P2RY14: variants seen among roughly 807,000 people sequenced by gnomAD.
The protein encoded by P2RY14 is P2Y purinoceptor 14.
Under a neutral mutation model 0.9 loss-of-function variants are expected in P2RY14, and 2 were observed. That is an observed-to-expected ratio of 2.16 (90% CI 0.88 to 6.79). P2RY14 has a LOEUF of 6.79. P2RY14 is among the 30% of genes most tolerant of loss of function. The pLI is 0.05. For missense variants in P2RY14, 378 were observed against 400.1 expected, an observed-to-expected ratio of 0.94 and a Z score of 0.47; for synonymous variants, 158 against 147.2, an observed-to-expected ratio of 1.07 and a Z score of -0.53.
At position 151,265,508 on chromosome 3, in the gene P2RY14, C is replaced by A. The variant is rs145529543; in HGVS notation, c.-133+12779G>T. ...TCTTTATTCTCAACTGCCCACTTGCCGGTCACTGCCATCATCCTCCCTATC... is the reference window on the plus strand; with the variant it reads ...TCTTTATTCTCAACTGCCCACTTGCAGGTCACTGCCATCATCCTCCCTATC... On this transcript the variant is annotated intron_variant, in intron 1 of 2. Transcript: ENST00000309170. Among the ~76,000 whole-genome samples the A allele has an allele frequency of 7.1e-3, 1,076 of 152,222 alleles. 14 individuals are homozygous for A. Among genetic ancestry groups the A allele is most frequent in the African/African-American group, 0.024 (1,005 of 41,542 alleles).
intron 1 of P2RY14, among the ~76,000 whole-genome samples, chr3:151,239,392 A>G (rs1733613046): frequency 6.6e-6 from 1 of 152,194 alleles, no homozygotes; most frequent in African/African-American, 2.4e-5. Context: ...TCTGTATGGG[A>G]TTGGATTTTC....
At chr3:151,233,771 G>C (rs1039371141) in intron 1 of P2RY14, among the ~76,000 whole-genome samples, 1 of 152,172 alleles carries the variant, frequency 6.6e-6, no homozygotes, top group African/African-American at 2.4e-5. Context: ...CGACTTGAGA[G>C]CGAGAGTCCC....
chr3:151,254,737 C>T (rs1274443453), intron 1 of P2RY14, among the ~76,000 whole-genome samples: 2 of 152,160 alleles, frequency 1.3e-5, no homozygotes, highest in African/African-American at 4.8e-5. Flanking sequence ...AGAGGAGATT[C>T]GTGTTGACAA....
intron 1 of P2RY14, among the ~76,000 whole-genome samples, chr3:151,242,955 A>G (rs1231994970): frequency 1.3e-5 from 2 of 151,680 alleles, no homozygotes; most frequent in Non-Finnish European, 2.9e-5. Context: ...AGGCTCGAGA[A>G]CTACGTGAAG....
intron 2 of P2RY14, among the ~76,000 whole-genome samples, chr3:151,217,937 C>G (rs1485718924): frequency 1.3e-5 from 2 of 151,914 alleles, no homozygotes; most frequent in Non-Finnish European, 2.9e-5. Context: ...CAAGTAAGAC[C>G]AAATTATATA....
At chr3:151,270,471 G>C (rs1740734350) in intron 1 of P2RY14, among the ~76,000 whole-genome samples, 2 of 152,086 alleles carry the variant, frequency 1.3e-5, no homozygotes, top group African/African-American at 4.8e-5. Flanking sequence ...TGCTCTGCTG[G>C]AATTTGCATG....
At chr3:151,263,943 G>A (rs2149512620) in intron 1 of P2RY14, among the ~76,000 whole-genome samples, 1 of 152,284 alleles carries the variant, frequency 6.6e-6, no homozygotes, top group Non-Finnish European at 1.5e-5. Context: ...TTGTAGAAAG[G>A]CAGATAACGA....
intron 1 of P2RY14, among the ~76,000 whole-genome samples, chr3:151,224,302 T>C (rs1329201617): frequency 1.3e-5 from 2 of 152,226 alleles, no homozygotes; most frequent in East Asian, 1.9e-4. Flanking sequence ...GCTCTGGATC[T>C]TTTTCTATGA....
chr3:151,214,101 C>T lies in P2RY14; in HGVS notation c.216G>A (p.Leu72=). Residue 72 remains leucine, a synonymous_variant, in exon 3 of 3, where the codon CTG becomes CTA. Transcript: ENST00000309170. Reference sequence around the variant, plus strand: ...CACCAAGGATCTTGAAAGGAAAAGTCAGGCTCATCACAAAGTCAGCAATAA... The same window carrying T: ...CACCAAGGATCTTGAAAGGAAAAGTTAGGCTCATCACAAAGTCAGCAATAA... ...NIVIADFVMS[L]TFPFKILGDS... 2 of 1,614,134 alleles carry T rather than the reference C, an allele frequency of 1.2e-6. No homozygotes were observed. The highest frequency in any genetic ancestry group is 1.7e-6 in the Non-Finnish European group (2 of 1,180,000).
intron 1 of P2RY14, among the ~76,000 whole-genome samples, chr3:151,240,749 C>T (rs1733910851): frequency 6.6e-6 from 1 of 152,206 alleles, no homozygotes. Context: ...CAGTTTTGTG[C>T]ACTCTTGCAT....
At chr3:151,248,702 G>T (rs1736248550) in intron 1 of P2RY14, among the ~76,000 whole-genome samples, 1 of 151,932 alleles carries the variant, frequency 6.6e-6, no homozygotes, top group African/African-American at 2.4e-5. Flanking sequence ...AACTAGACTT[G>T]GTTTATTACT....
At chr3:151,236,662 A>G (rs1465177260) in intron 1 of P2RY14, among the ~76,000 whole-genome samples, 1 of 152,172 alleles carries the variant, frequency 6.6e-6, no homozygotes, top group African/African-American at 2.4e-5. Flanking sequence ...TAACATCTAT[A>G]TGTATTCCTA....
chr3:151,241,668 C>T (rs933436494), intron 1 of P2RY14: 2 of 152,078 alleles, frequency 1.3e-5, no homozygotes, highest in African/African-American at 2.4e-5. Flanking sequence ...TATATACACA[C>T]ATATATACAC....
chr3:151,231,673 G>A (rs990211583), intron 1 of P2RY14, among the ~76,000 whole-genome samples: 22 of 152,250 alleles, frequency 1.4e-4, no homozygotes, highest in Admixed American at 6.5e-4. Flanking sequence ...AAATAACACC[G>A]TTAATGAGTG....
At chr3:151,215,483 ACT>A (rs1022073509) in intron 2 of P2RY14, among the ~76,000 whole-genome samples, 37 of 152,178 alleles carry the variant, frequency 2.4e-4, no homozygotes, top group Middle Eastern at 3.4e-3. Flanking sequence ...ACTTTTTAAG[ACT>A]CTGGCTACTA....
intron 1 of P2RY14, among the ~76,000 whole-genome samples, chr3:151,229,305 C>CTTTTTTT (rs35097589): frequency 1.8e-5 from 2 of 112,518 alleles, no homozygotes; most frequent in African/African-American, 7.4e-5. Context: ...TTCAGCAATT[C>CTTTTTTT]TTTTTTTTTT....
chr3:151,236,466 C>T (rs1039231253), intron 1 of P2RY14, among the ~76,000 whole-genome samples: 8 of 152,112 alleles, frequency 5.3e-5, no homozygotes, highest in African/African-American at 9.7e-5. Context: ...TTATTCTTAA[C>T]GATGTTAATA....
At chr3:151,225,049 T>A (rs1458048669) in intron 1 of P2RY14, among the ~76,000 whole-genome samples, 1 of 152,222 alleles carries the variant, frequency 6.6e-6, no homozygotes, top group Admixed American at 6.5e-5. Context: ...GCCTCCTAGC[T>A]TTTCTTACCC....
chr3:151,223,086 A>G (rs1729714295), intron 1 of P2RY14, among the ~76,000 whole-genome samples: 1 of 151,884 alleles, frequency 6.6e-6, no homozygotes, highest in Non-Finnish European at 1.5e-5. Context: ...TGGAGTAATA[A>G]TCTCAGTGGC....
Sources: gnomAD v4.1 joint callset for allele counts (sites outside exome capture counted in the v4.1 genomes callset) on GRCh38, gnomAD v4.1.1 for gene constraint, MANE v1.5 for transcripts, NCBI Gene and HGNC (gene_info 2026-07-23, HGNC 2026-07-21) for gene names.